ERC2: variants seen among roughly 807,000 people sequenced by gnomAD.
ERC2 encodes ERC protein 2.
ERC2 carries 42 observed loss-of-function variants against 114.8 expected under a neutral mutation model. The ratio of observed to expected loss-of-function variants is 0.37; its 90% CI spans 0.29 to 0.47. The LOEUF is 0.47. ERC2 is among the 20% of genes least tolerant of loss of function. The pLI, the probability that ERC2 is intolerant of heterozygous loss-of-function variation, is 0.99. For missense variants in ERC2, 939 were observed against 1,150.7 expected (o/e 0.82, Z 2.66); for synonymous variants, 454 against 425.5 (o/e 1.07, Z -0.82).
At chr3:55,874,268 G>A (rs1049246457) in intron 14 of ERC2, among the ~76,000 whole-genome samples, 22 of 152,278 alleles carry the variant, frequency 1.4e-4, no homozygotes, top group African/African-American at 5.3e-4. Context: ...ACTTTCTCTA[G>A]GCTGAAGAAT....
intron 12 of ERC2, among the ~76,000 whole-genome samples, chr3:55,984,619 C>T (rs1319597660): frequency 6.6e-6 from 1 of 152,084 alleles, no homozygotes; most frequent in Admixed American, 6.5e-5. Context: ...GTCTGTGTTT[C>T]TGCACACAGA....
intron 3 of ERC2, among the ~76,000 whole-genome samples, chr3:56,270,706 A>G (rs570450496): frequency 2.6e-5 from 4 of 152,360 alleles, no homozygotes; most frequent in Non-Finnish European, 4.4e-5. Flanking sequence ...TGGGCAGGGC[A>G]TGGTGGCTTA....
chr3:55,838,764 A>G (rs1453313189), intron 14 of ERC2, among the ~76,000 whole-genome samples: 1 of 151,964 alleles, frequency 6.6e-6, no homozygotes, highest in Non-Finnish European at 1.5e-5. Context: ...AAAAGACACC[A>G]TCATCATTAG....
intron 15 of ERC2, among the ~76,000 whole-genome samples, chr3:55,714,694 T>TATATATATAC (rs2064003068): frequency 8.4e-6 from 1 of 119,644 alleles, no homozygotes; most frequent in African/African-American, 3.5e-5. Context: ...TATATATATA[T>TATATATATAC]ATATATATAT....
intron 14 of ERC2, 150 bp from the exon 15 acceptor site, chr3:55,735,068 A>C: frequency 1.2e-6 from 1 of 869,356 alleles, no homozygotes; most frequent in Admixed American, 3.1e-5. Context: ...TTTGGCTTTC[A>C]GAATGGACAA....
At chr3:56,116,263 C>G (rs1024340645) in intron 6 of ERC2, among the ~76,000 whole-genome samples, 2 of 152,166 alleles carry the variant, frequency 1.3e-5, no homozygotes, top group African/African-American at 4.8e-5. Flanking sequence ...CTAGCCTAAA[C>G]AAGTATAGCC....
intron 6 of ERC2, among the ~76,000 whole-genome samples, chr3:56,109,842 T>G (rs956224922): frequency 6.6e-6 from 1 of 152,156 alleles, no homozygotes; most frequent in Non-Finnish European, 1.5e-5. Flanking sequence ...AAGCTGAAAT[T>G]AGAAGACAGG....
chr3:56,145,762 T>C (rs1337651268), intron 5 of ERC2, among the ~76,000 whole-genome samples: 1 of 152,234 alleles, frequency 6.6e-6, no homozygotes. Context: ...TTTTCTATGA[T>C]GTCATGTTTG....
rs189443474 is a variant in ERC2, at chr3:56,256,370, A to C, written c.1074+39649T>G. Among the ~76,000 whole-genome samples the C allele has an allele frequency of 7.2e-5, 11 of 152,358 alleles. No individual in the cohort carries two copies. The East Asian group carries it at 1.9e-3, about 27-fold the overall frequency. ...GAGAGTTGGACACAAAATTAAACTA[A>C]CATGAGCTGACTGTGGCTCTGAAGT... On this transcript the variant is annotated intron_variant, in intron 3 of 17. Coordinates refer to ENST00000288221, the MANE Select transcript of ERC2 (RefSeq NM_015576.3).
At chr3:56,145,006 C>T (rs185423261) in intron 5 of ERC2, among the ~76,000 whole-genome samples, 68 of 152,274 alleles carry the variant, frequency 4.5e-4, no homozygotes, top group African/African-American at 7.2e-5. Flanking sequence ...ATCGGAATTA[C>T]ATCACATGCT....
intron 2 of ERC2, among the ~76,000 whole-genome samples, chr3:56,386,078 C>A (rs888983803): frequency 7.9e-5 from 12 of 152,078 alleles, no homozygotes; most frequent in Non-Finnish European, 1.6e-4. Flanking sequence ...ATGAATAAAA[C>A]AGATGACCCC....
At chr3:55,607,155 A>G (rs1394277823) in intron 17 of ERC2, among the ~76,000 whole-genome samples, 1 of 152,210 alleles carries the variant, frequency 6.6e-6, no homozygotes, top group Non-Finnish European at 1.5e-5. Flanking sequence ...AGTGACAAAT[A>G]GGAACACAGA....
chr3:55,950,564 A>C lies in ERC2; in HGVS notation c.2268-4T>G, dbSNP rs78657377. The C allele has an allele frequency of 1.5e-3, 2,481 of 1,613,928 alleles. 36 individuals are homozygous for C. The African/African-American group carries it at 0.03, about 19-fold the overall frequency. ...CTTATTCTGATCTTTCATATGCCTGAGAAAAGTCAGCACAGCTTGGTTAAA... is the reference window on the plus strand; with the variant it reads ...CTTATTCTGATCTTTCATATGCCTGCGAAAAGTCAGCACAGCTTGGTTAAA... On this transcript the variant is annotated splice_region_variant and splice_polypyrimidine_tract_variant and intron_variant, in intron 12 of 17. Coordinates refer to ENST00000288221, the MANE Select transcript of ERC2 (RefSeq NM_015576.3).
At chr3:55,829,833 C>T (rs925817934) in intron 14 of ERC2, among the ~76,000 whole-genome samples, 1 of 151,976 alleles carries the variant, frequency 6.6e-6, no homozygotes, top group Non-Finnish European at 1.5e-5. Flanking sequence ...CCCAAAATAT[C>T]GAACATTTGT....
chr3:56,271,027 T>C (rs1175060849), intron 3 of ERC2, among the ~76,000 whole-genome samples: 1 of 152,186 alleles, frequency 6.6e-6, no homozygotes, highest in African/African-American at 2.4e-5. Context: ...AGCCTTGTAC[T>C]TTCTTCACAC....
At chr3:56,286,414 C>CAAAAAA (rs778645110) in intron 3 of ERC2, among the ~76,000 whole-genome samples, 24 of 30,112 alleles carry the variant, frequency 8.0e-4, no homozygotes, top group East Asian at 5.3e-3. Flanking sequence ...AACTCCATCT[C>CAAAAAA]AAAAAAAAAA....
chr3:56,249,484 C>A (rs374201793), intron 3 of ERC2, among the ~76,000 whole-genome samples: 268 of 152,126 alleles, frequency 1.8e-3, no homozygotes, highest in African/African-American at 6.0e-3. Flanking sequence ...CGCCACCACG[C>A]CCAGCTAATT....
chr3:55,683,366 C>G (rs1031641226), intron 17 of ERC2, among the ~76,000 whole-genome samples: 1 of 152,162 alleles, frequency 6.6e-6, no homozygotes, highest in South Asian at 2.1e-4. Context: ...CCTTGCCAAA[C>G]ATTTGACACA....
At chr3:56,016,919 A>G (rs557763254) in intron 8 of ERC2, among the ~76,000 whole-genome samples, 4 of 152,104 alleles carry the variant, frequency 2.6e-5, no homozygotes, top group African/African-American at 9.6e-5. Context: ...TAATGCTATT[A>G]CTCTAGTAGG....
Sources: gnomAD v4.1 joint callset for allele counts (sites outside exome capture counted in the v4.1 genomes callset) on GRCh38, gnomAD v4.1.1 for gene constraint, MANE v1.5 for transcripts, NCBI Gene and HGNC (gene_info 2026-07-23, HGNC 2026-07-21) for gene names.